Variants in KLF8 observed in about 807,000 individuals in gnomAD.
The protein encoded by KLF8 is Krueppel-like factor 8.
In KLF8, 10 loss-of-function variants were observed where a neutral mutation model predicts 18.2. The observed-to-expected ratio is 0.55, with a 90% CI of 0.34 to 0.93. The LOEUF (loss-of-function observed/expected upper bound fraction) is 0.93. KLF8 is among the 40% of genes least tolerant of loss of function. KLF8 has a pLI of 0.02. For synonymous variants in KLF8, 109 were observed against 97.3 expected (o/e 1.12, Z -0.71); for missense variants, 264 against 277.9 (o/e 0.95, Z 0.36).
the KLF8 span, among the ~76,000 whole-genome samples, chrX:55,936,101 G>A: frequency 1.8e-5 from 2 of 111,899 alleles, no homozygotes; most frequent in South Asian, 7.4e-4. Flanking sequence ...GCATCTAATA[G>A]TATCACAGCC....
the KLF8 span, among the ~76,000 whole-genome samples, chrX:55,940,329 C>T: frequency 9.0e-6 from 1 of 111,515 alleles, no homozygotes; most frequent in Non-Finnish European, 1.9e-5. Context: ...ATTCAACAAC[C>T]CTTCATGCTA....
the KLF8 span, among the ~76,000 whole-genome samples, chrX:55,964,004 A>G: frequency 8.9e-6 from 1 of 112,240 alleles, no homozygotes; most frequent in Admixed American, 9.4e-5. Context: ...TGGAAATTAA[A>G]CAGCCTGCTC....
chrX:56,126,152 G>C, the KLF8 span, among the ~76,000 whole-genome samples: 1 of 111,331 alleles, frequency 9.0e-6, no homozygotes, highest in Non-Finnish European at 1.9e-5. Flanking sequence ...CGTTACAATG[G>C]CTATCACCAA....
chrX:56,182,501 T>A, the KLF8 span, among the ~76,000 whole-genome samples: 2 of 112,619 alleles, frequency 1.8e-5, no homozygotes, highest in Non-Finnish European at 3.7e-5. Context: ...AGCTTTGTTC[T>A]GTTGCTGGCG....
chrX:56,141,840 T>G, the KLF8 span, among the ~76,000 whole-genome samples: 25 of 111,913 alleles, frequency 2.2e-4, no homozygotes, highest in African/African-American at 8.1e-4. Context: ...AAGGTCTCAC[T>G]TGAAATCCTG....
At chrX:56,100,121 AGTT>A in the KLF8 span, among the ~76,000 whole-genome samples, 4 of 111,321 alleles carry the variant, frequency 3.6e-5, no homozygotes, top group Non-Finnish European at 7.5e-5. Context: ...GGGGACTTGA[AGTT>A]GAAGTCAGTG....
Position 56,265,684 on chromosome X carries a change from G to A in KLF8, c.586G>A (p.Gly196Arg). Residue 196 changes from glycine (G) to arginine (R), a missense_variant, in exon 3 of 6, where the codon GGG becomes AGG. By Grantham distance (125) the Gly-to-Arg change is moderately radical. Transcript: ENST00000468660. ...GGTGTATACTACTTTGCCTGCAGAT[G>A]GGGGCCCTGCAGCCATTACAGTCCC... is the stretch of plus-strand genomic sequence containing the variant. The part of the protein sequence containing the change: ...PMVYTTLPAD[G>R]GPAAITVPLI... 8.3e-7 allele frequency: 1 copy of A among 1,208,196 alleles called. No homozygotes were observed. The highest frequency in any genetic ancestry group is 1.1e-6 in the Non-Finnish European group (1 of 894,812).
At chrX:56,206,793 G>A in the KLF8 span, among the ~76,000 whole-genome samples, 1 of 112,663 alleles carries the variant, frequency 8.9e-6, no homozygotes, top group Non-Finnish European at 1.9e-5. Flanking sequence ...GCTCCAGATG[G>A]GACTCTGTGT....
chrX:56,206,455 A>G, the KLF8 span, among the ~76,000 whole-genome samples: 3 of 112,252 alleles, frequency 2.7e-5, no homozygotes, highest in African/African-American at 6.5e-5. Flanking sequence ...AAACCTATTC[A>G]AAATGGGAGA....
chrX:55,910,226 G>A, the KLF8 span, among the ~76,000 whole-genome samples: 1 of 111,672 alleles, frequency 9.0e-6, no homozygotes, highest in Non-Finnish European at 1.9e-5. Context: ...TCATTCATTC[G>A]TTCATTCATT....
At chrX:56,006,806 T>C in the KLF8 span, among the ~76,000 whole-genome samples, 2 of 112,480 alleles carry the variant, frequency 1.8e-5, no homozygotes, top group South Asian at 7.3e-4. Flanking sequence ...TTCAGTCTGT[T>C]GACTGTGGCA....
At chrX:56,055,786 G>A in the KLF8 span, among the ~76,000 whole-genome samples, 1 of 110,542 alleles carries the variant, frequency 9.0e-6, no homozygotes, top group African/African-American at 3.3e-5. Flanking sequence ...CTCTCTTCTT[G>A]TCTGGCTGTC....
chrX:56,142,773 A>G, the KLF8 span, among the ~76,000 whole-genome samples: 1 of 111,672 alleles, frequency 9.0e-6, no homozygotes, highest in Non-Finnish European at 1.9e-5. Flanking sequence ...GCAAGGCCCA[A>G]AACCTTGAGG....
chrX:56,253,559 A>G (rs1308534710), intron 2 of KLF8, among the ~76,000 whole-genome samples: 1 of 109,796 alleles, frequency 9.1e-6, no homozygotes, highest in Non-Finnish European at 1.9e-5. Context: ...ATTTTGTTCC[A>G]TTGCACTGTA....
At chrX:56,046,257 G>T in the KLF8 span, among the ~76,000 whole-genome samples, 1 of 111,566 alleles carries the variant, frequency 9.0e-6, no homozygotes, top group African/African-American at 3.3e-5. Context: ...CTAGTATTTT[G>T]TTGAGAATTT....
intron 5 of KLF8, among the ~76,000 whole-genome samples, chrX:56,273,457 C>T: frequency 9.2e-6 from 1 of 108,810 alleles, no homozygotes; most frequent in Non-Finnish European, 1.9e-5. Flanking sequence ...TAACCATCCC[C>T]ACTGCCCCCC....
At chrX:56,034,971 G>T in the KLF8 span, among the ~76,000 whole-genome samples, 4 of 108,712 alleles carry the variant, frequency 3.7e-5, no homozygotes, top group African/African-American at 1.3e-4. Context: ...TAGCCAGGAT[G>T]GTCTCGATCT....
At chrX:56,128,136 C>A in the KLF8 span, among the ~76,000 whole-genome samples, 3 of 111,244 alleles carry the variant, frequency 2.7e-5, no homozygotes, top group Non-Finnish European at 5.7e-5. Flanking sequence ...AAGGGAAGAG[C>A]AAGTAAAATA....
chrX:56,071,674 G>T, the KLF8 span, among the ~76,000 whole-genome samples: 1 of 111,690 alleles, frequency 9.0e-6, no homozygotes, highest in Non-Finnish European at 1.9e-5. Flanking sequence ...CAACACTAGA[G>T]TTTTACTGAT....
Sources: gnomAD v4.1 joint callset for allele counts (sites outside exome capture counted in the v4.1 genomes callset) on GRCh38, gnomAD v4.1.1 for gene constraint, MANE v1.5 for transcripts, NCBI Gene and HGNC (gene_info 2026-07-23, HGNC 2026-07-21) for gene names.